CUX1: variants seen among roughly 807,000 people sequenced by gnomAD.
CUX1 encodes the protein cut like homeobox 1.
In CUX1, 31 loss-of-function variants were observed where a neutral mutation model predicts 158.8. The ratio of observed to expected loss-of-function variants is 0.20; its 90% confidence interval spans 0.15 to 0.26. The LOEUF is 0.26. Among genes scored for constraint, CUX1 ranks in the 10% least tolerant of loss-of-function variants. The pLI is 1.00. For synonymous variants in CUX1, 879 were observed against 862.1 expected (o/e 1.02, Z -0.34); for missense variants, 1,589 against 2,014.6 (o/e 0.79, Z 4.04).
chr7:101,837,828 CAAAAAAAAAAAAAAAAA>C (rs200090006), intron 1 of CUX1, among the ~76,000 whole-genome samples: 2 of 44,372 alleles, frequency 4.5e-5, no homozygotes, highest in Non-Finnish European at 7.6e-5. Context: ...GAGACCCTGT[CAAAAAAAAAAAAAAAAA>C]AAAAAAAAAA....
intron 9 of CUX1, among the ~76,000 whole-genome samples, chr7:102,164,054 C>T (rs1790748811): frequency 6.6e-6 from 1 of 152,212 alleles, no homozygotes; most frequent in African/African-American, 2.4e-5. Context: ...AGTAAAGGAT[C>T]AGATCTCTTG....
intron 1 of CUX1, among the ~76,000 whole-genome samples, chr7:101,902,911 C>T (rs1802313474): frequency 6.6e-6 from 1 of 152,172 alleles, no homozygotes; most frequent in Non-Finnish European, 1.5e-5. Flanking sequence ...CCACACCCCT[C>T]TGATATTTCT....
chr7:102,248,594 C>T lies in CUX1; in HGVS notation c.4070C>T (p.Ser1357Phe), dbSNP rs1554537916. ...AGCGCCGACACCGAGGAGCCCAAGT[C>T]TCAGGGAGAGGCCGAGCGGGAGGAG... is the stretch of plus-strand genomic sequence containing the variant. ...PGSADTEEPK[S>F]QGEAEREEVP... is the part of the protein sequence containing the mutation. The change falls in exon 24 of 24, where the codon TCT becomes TTT. Residue 1357 changes from serine to phenylalanine, a missense_variant. Physicochemically the swap from Ser to Phe is radical, Grantham distance 155. This residue lies in a region of CUX1 where 344 missense variants were observed against 323.7 expected (regional missense o/e 1.06). Coordinates refer to ENST00000292535, the MANE Select transcript of CUX1 (RefSeq NM_181552.4). This position sits in a 1 kb window ranked among gnomAD's most constrained non-coding sequence, Gnocchi z 5.8. 2.0e-6 allele frequency: 3 copies of T among 1,473,324 alleles called. No individual in the cohort carries two copies. The highest frequency in any genetic ancestry group is 2.5e-5 in the South Asian group (2 of 78,666). The allele number at this position is 1,473,324 out of a possible 1,614,324, so 91.3% of individuals were successfully genotyped here. A position where few individuals can be genotyped will look rare whatever the true frequency, so the allele number is the denominator to read the frequency against.
intron 2 of CUX1, among the ~76,000 whole-genome samples, chr7:102,014,637 T>C (rs1818391258): frequency 6.6e-6 from 1 of 152,170 alleles, no homozygotes; most frequent in Admixed American, 6.6e-5. Flanking sequence ...AAGTTTTTGT[T>C]TCTCCTTCGC....
At chr7:102,147,725 G>A (rs1007239934) in intron 8 of CUX1, among the ~76,000 whole-genome samples, 2 of 152,076 alleles carry the variant, frequency 1.3e-5, no homozygotes, top group African/African-American at 2.4e-5. Context: ...GGGCCGGTGC[G>A]GTGGCTCATA....
intron 2 of CUX1, among the ~76,000 whole-genome samples, chr7:102,025,088 C>G (rs2129327648): frequency 6.6e-6 from 1 of 152,276 alleles, no homozygotes; most frequent in Admixed American, 6.5e-5. Context: ...ACCTCTGCGT[C>G]GGTCCTCAGA....
rs181769452 is a variant in CUX1, at chr7:102,166,109, A to G, written c.724-4337A>G. On this transcript the variant is annotated intron_variant, in intron 9 of 23. Coordinates refer to ENST00000292535, the MANE Select transcript of CUX1 (RefSeq NM_181552.4). Reference sequence around the variant, plus strand: ...ACACATGCCAGGGACCTTCGTGACAATGTCCTGGACACCATCGCCAGGTGA... The same window carrying G: ...ACACATGCCAGGGACCTTCGTGACAGTGTCCTGGACACCATCGCCAGGTGA... Among the ~76,000 whole-genome samples the G allele has an allele frequency of 1.8e-4, 27 of 152,236 alleles. No homozygotes were observed. In the East Asian group the frequency reaches 5.2e-3, roughly 29 times the overall value.
intron 14 of CUX1, among the ~76,000 whole-genome samples, chr7:102,269,806 T>C (rs1554545866): frequency 6.9e-6 from 1 of 145,652 alleles, no homozygotes; most frequent in African/African-American, 2.4e-5. Flanking sequence ...CTCATCTTAC[T>C]GTCTTCTTCC....
chr7:102,243,225 G>T (rs1348350600), intron 23 of CUX1, among the ~76,000 whole-genome samples: 2 of 152,148 alleles, frequency 1.3e-5, no homozygotes, highest in Admixed American at 1.3e-4. Flanking sequence ...AGTGAGCCAT[G>T]ATCATACCAC....
chr7:101,994,067 G>T (rs1452172267), intron 2 of CUX1, among the ~76,000 whole-genome samples: 1 of 152,130 alleles, frequency 6.6e-6, no homozygotes, highest in Non-Finnish European at 1.5e-5. Flanking sequence ...ACAGTGCCCA[G>T]TGGGCCACCC....
At chr7:102,061,271 T>C (rs1046325716) in intron 3 of CUX1, among the ~76,000 whole-genome samples, 1 of 152,072 alleles carries the variant, frequency 6.6e-6, no homozygotes, top group African/African-American at 2.4e-5. Context: ...ACCCAGCCAG[T>C]GTGTGCTGGA....
chr7:102,275,854 C>A (rs1402577305), intron 17 of CUX1, among the ~76,000 whole-genome samples: 1 of 152,028 alleles, frequency 6.6e-6, no homozygotes, highest in South Asian at 2.1e-4. Context: ...ACTAAAAATA[C>A]AAAAATTAGC....
rs1586198486 is a variant in CUX1 at position 102,203,736 on chromosome 7, T to G, written c.2908-655T>G. On this transcript the variant is annotated intron_variant, in intron 18 of 23. Transcript: ENST00000292535. ...GGCGGCATCTGTGTCCTGTGGGGGG[T>G]GTTTGTGCCTATACATATGTATGGC... Among the ~76,000 whole-genome samples the G allele has an allele frequency of 2.0e-5, 3 of 151,402 alleles. 1 individual carries two copies. The South Asian group carries it at 6.3e-4, about 32-fold the overall frequency.
chr7:102,208,111 C>T (rs1554522210), intron 20 of CUX1, among the ~76,000 whole-genome samples: 1 of 152,028 alleles, frequency 6.6e-6, no homozygotes, highest in Non-Finnish European at 1.5e-5. Context: ...TTGCTTGAGC[C>T]CAGGAGGTCG....
At chr7:101,979,132 G>A (rs1283866143) in intron 2 of CUX1, among the ~76,000 whole-genome samples, 1 of 152,224 alleles carries the variant, frequency 6.6e-6, no homozygotes. Flanking sequence ...TGCAGATGTA[G>A]GCTCTCGGGA....
intron 1 of CUX1, among the ~76,000 whole-genome samples, chr7:101,838,697 G>T (rs1794896699): frequency 6.6e-6 from 1 of 151,860 alleles, no homozygotes; most frequent in South Asian, 2.1e-4. Flanking sequence ...TAGTTACTTG[G>T]AAGGCTGAGA....
chr7:102,129,887 CAAATT>C (rs535801841), intron 8 of CUX1, among the ~76,000 whole-genome samples: 1,753 of 152,178 alleles, frequency 0.012, 10 homozygotes, highest in South Asian at 0.038. Context: ...TGGTGTGAAA[CAAATT>C]AAAAGAGGTG....
chr7:102,104,991 ATCCAAGCCG>A (rs1357878436), intron 6 of CUX1, among the ~76,000 whole-genome samples: 1 of 152,152 alleles, frequency 6.6e-6, no homozygotes, highest in African/African-American at 2.4e-5. Flanking sequence ...GCCCAAGACT[ATCCAAGCCG>A]TGCAGGTGCA....
At chr7:101,914,373 TCCCTCCC>T (rs1803900696) in intron 1 of CUX1, among the ~76,000 whole-genome samples, 1 of 95,594 alleles carries the variant, frequency 1.0e-5, no homozygotes, top group South Asian at 5.2e-4. Flanking sequence ...CTTCCTTCCC[TCCCTCCC>T]TCCCTCCCTC....
Sources: gnomAD v4.1 joint callset for allele counts (sites outside exome capture counted in the v4.1 genomes callset) on GRCh38, gnomAD v4.1.1 for gene constraint, gnomAD v4.1.1 regional missense constraint, Gnocchi (gnomAD v3.1) non-coding constraint, MANE v1.5 for transcripts, NCBI Gene and HGNC (gene_info 2026-07-23, HGNC 2026-07-21) for gene names.